The following EYS variants were observed in gnomAD, a reference collection of about 807,000 sequenced individuals.
The protein encoded by EYS is protein eyes shut homolog.
Under a neutral mutation model 282.1 loss-of-function variants are expected in EYS, and 250 were observed. The observed-to-expected ratio is 0.89, with a 90% CI of 0.80 to 0.98. EYS has a LOEUF of 0.98. EYS is among the 50% of genes least tolerant of loss of function. EYS has a pLI of 0.00. For missense variants in EYS, 4,016 were observed against 3,709.0 expected (o/e 1.08, Z -2.15); for synonymous variants, 1,355 against 1,282.9 (o/e 1.06, Z -1.20).
chr6:64,620,274 T>A (rs540667347), intron 23 of EYS, among the ~76,000 whole-genome samples: 1 of 152,202 alleles, frequency 6.6e-6, no homozygotes, highest in East Asian at 1.9e-4. Context: ...ATTGTGCTAA[T>A]CCAAGGAAGG....
intron 33 of EYS, among the ~76,000 whole-genome samples, chr6:64,035,739 C>T (rs1484680338): frequency 6.6e-6 from 1 of 152,066 alleles, no homozygotes; most frequent in Non-Finnish European, 1.5e-5. Flanking sequence ...TTCATGTCAT[C>T]CTAAATGCTT....
intron 22 of EYS, among the ~76,000 whole-genome samples, chr6:64,679,902 T>A (rs1472953179): frequency 6.6e-6 from 1 of 152,196 alleles, no homozygotes; most frequent in African/African-American, 2.4e-5. Flanking sequence ...CTCTTTGTCT[T>A]AAGTTACTTT....
intron 26 of EYS, among the ~76,000 whole-genome samples, chr6:64,522,670 A>T (rs894969362): frequency 6.6e-6 from 1 of 151,764 alleles, no homozygotes; most frequent in Admixed American, 6.6e-5. Context: ...GCTCTCATCT[A>T]CATTATGTAG....
intron 22 of EYS, among the ~76,000 whole-genome samples, chr6:64,633,626 C>CA (rs58815312): frequency 0.2 from 27,524 of 140,298 alleles, 2,930 homozygotes; most frequent in East Asian, 0.32. Context: ...CTTTTCTCAG[C>CA]AAAAAAAAAA....
intron 36 of EYS, among the ~76,000 whole-genome samples, chr6:63,822,965 T>G (rs1397430813): frequency 6.6e-6 from 1 of 152,196 alleles, no homozygotes; most frequent in Non-Finnish European, 1.5e-5. Flanking sequence ...AAAACAATTA[T>G]GTCTGTTGAA....
At chr6:64,723,942 A>G (rs1771670001) in intron 22 of EYS, among the ~76,000 whole-genome samples, 1 of 152,074 alleles carries the variant, frequency 6.6e-6, no homozygotes, top group African/African-American at 2.4e-5. Context: ...CTGTTCCACT[A>G]CTTGACACTC....
chr6:64,359,177 T>G (rs1422672136), intron 29 of EYS, among the ~76,000 whole-genome samples: 1 of 151,682 alleles, frequency 6.6e-6, no homozygotes, highest in Non-Finnish European at 1.5e-5. Context: ...TATTATGGTT[T>G]TAAGTAAAGA....
chr6:64,178,642 A>C (rs1245799559), intron 31 of EYS, among the ~76,000 whole-genome samples: 1 of 152,078 alleles, frequency 6.6e-6, no homozygotes, highest in African/African-American at 2.4e-5. Flanking sequence ...CTATGAATTC[A>C]CTTTCCTCCT....
chr6:64,825,722 T>C (rs538339320), intron 19 of EYS, among the ~76,000 whole-genome samples: 1 of 151,926 alleles, frequency 6.6e-6, no homozygotes, highest in South Asian at 2.1e-4. Flanking sequence ...TTTTCCCACC[T>C]TCAAACAAAG....
At chr6:65,512,350 G>A (rs1158760949) in intron 2 of EYS, among the ~76,000 whole-genome samples, 1 of 151,656 alleles carries the variant, frequency 6.6e-6, no homozygotes, top group African/African-American at 2.4e-5. Flanking sequence ...AAATTAGCCG[G>A]GTGTGGCGAG....
intron 19 of EYS, among the ~76,000 whole-genome samples, chr6:64,859,411 A>C (rs1273290835): frequency 2.6e-5 from 4 of 151,564 alleles, no homozygotes; most frequent in Non-Finnish European, 5.9e-5. Flanking sequence ...GAAAACTTTA[A>C]AACACTCATG....
chr6:64,151,343 A>ATTTATATATATATATATATATT (rs1562226708), intron 31 of EYS, among the ~76,000 whole-genome samples: 2 of 118,672 alleles, frequency 1.7e-5, no homozygotes, highest in African/African-American at 8.1e-5. Flanking sequence ...ATATATATAT[A>ATTTATATATATATATATATATT]TATATATATA....
At chr6:65,528,578 C>T (rs985105130) in intron 2 of EYS, among the ~76,000 whole-genome samples, 1 of 152,220 alleles carries the variant, frequency 6.6e-6, no homozygotes, top group Admixed American at 6.5e-5. Context: ...CTCTTGCCTT[C>T]TGCCATGTCA....
intron 1 of EYS, among the ~76,000 whole-genome samples, chr6:65,690,572 C>A (rs1343461309): frequency 2.0e-5 from 3 of 150,100 alleles, no homozygotes; most frequent in Non-Finnish European, 4.4e-5. Flanking sequence ...TTCTGGCAGT[C>A]CAACCTGGCA....
intron 31 of EYS, among the ~76,000 whole-genome samples, chr6:64,220,672 A>G (rs1341935289): frequency 6.6e-6 from 1 of 152,174 alleles, no homozygotes; most frequent in East Asian, 1.9e-4. Context: ...AAATACTGAG[A>G]GTGCCTTTGT....
chr6:63,898,104 C>T (rs527707493), intron 35 of EYS, among the ~76,000 whole-genome samples: 20 of 152,300 alleles, frequency 1.3e-4, no homozygotes, highest in Admixed American at 8.5e-4. Context: ...CATGTTACCA[C>T]GCTGGGCCAA....
intron 5 of EYS, among the ~76,000 whole-genome samples, chr6:65,405,984 G>A (rs1046621135): frequency 2.0e-5 from 3 of 151,954 alleles, no homozygotes; most frequent in Non-Finnish European, 4.4e-5. Context: ...TAATATTTTA[G>A]GAAACTGCTA....
intron 2 of EYS, among the ~76,000 whole-genome samples, chr6:65,534,158 G>C: frequency 6.6e-6 from 1 of 152,028 alleles, no homozygotes; most frequent in East Asian, 1.9e-4. Context: ...TTTGGCAATT[G>C]AGGTTCCTAG....
At chr6:64,879,742 A>T (rs1292310563) in intron 19 of EYS, among the ~76,000 whole-genome samples, 1 of 152,106 alleles carries the variant, frequency 6.6e-6, no homozygotes, top group Non-Finnish European at 1.5e-5. Flanking sequence ...CTGACTAATA[A>T]CATTTTTGAT....
Sources: allele counts gnomAD v4.1 joint callset (sites outside exome capture counted in the v4.1 genomes callset), GRCh38; gene constraint gnomAD v4.1.1; transcripts MANE v1.5; gene names NCBI Gene and HGNC (gene_info 2026-07-23, HGNC 2026-07-21).